Variants in SLAMF1 observed in about 807,000 individuals in gnomAD.
SLAMF1 encodes signaling lymphocytic activation molecule.
A neutral mutation model predicts 35.1 loss-of-function variants in SLAMF1; 18 were observed. The ratio of observed to expected loss-of-function variants is 0.51; its 90% CI spans 0.35 to 0.76. The LOEUF (loss-of-function observed/expected upper bound fraction) is 0.76. Ranked by LOEUF, SLAMF1 falls within the 30% of genes least tolerant of loss-of-function variation. The probability of loss-of-function intolerance (pLI) is 0.01; values close to 1 mark genes in which losing one functional copy is unlikely to be tolerated. For synonymous variants in SLAMF1, 168 were observed against 157.2 expected (o/e 1.07, Z -0.51); for missense variants, 392 against 413.0 (o/e 0.95, Z 0.44).
chr1:160,644,274 A>G (rs1391117327), intron 1 of SLAMF1, among the ~76,000 whole-genome samples: 2 of 152,188 alleles, frequency 1.3e-5, no homozygotes, highest in African/African-American at 4.8e-5. Flanking sequence ...TCCCAAACAT[A>G]GGCTTGTCCA....
intron 2 of SLAMF1, 44 bp from the exon 3 acceptor site, chr1:160,634,941 C>T: frequency 6.5e-7 from 1 of 1,538,052 alleles, no homozygotes; most frequent in East Asian, 2.3e-5. Flanking sequence ...AAGTGAACCC[C>T]TGGGAATTCT....
In SLAMF1 at chr1:160,634,797, C is replaced by T. The variant is rs1290797473; in HGVS notation, c.516G>A (p.Val172=). 1 of 1,614,000 alleles carries T rather than the reference C, an allele frequency of 6.2e-7. No homozygotes were observed. Among genetic ancestry groups the T allele is most frequent in the African/African-American group, 1.3e-5 (1 of 74,880 alleles). Residue 172 remains valine, a synonymous_variant, in exon 3 of 7, where the codon GTG becomes GTA. Transcript: ENST00000302035. ...CCGCCTTTTCACTCCAGCTGTAAGC[C>T]ACATGGTCCCCCTTCTCCACTGTGC... The part of the protein sequence containing the change: ...LGCTVEKGDH[V]AYSWSEKAGT...
intron 3 of SLAMF1, among the ~76,000 whole-genome samples, chr1:160,628,313 G>A (rs79818942): frequency 0.012 from 1,866 of 152,284 alleles, 26 homozygotes; most frequent in Non-Finnish European, 0.018. Flanking sequence ...CACCTAGCAG[G>A]TTCAGACTCT....
rs1455020139 is a variant in SLAMF1, at chr1:160,610,586, T to G, written c.*162A>C. The stretch of plus-strand genomic sequence containing the variant: ...TGGGAAGCCTCACTTCCTTGTTCAT[T>G]TCACAGATGTATGTGGAAGAAACAT... On this transcript the variant is annotated 3_prime_UTR_variant, in exon 7 of 7. Coordinates refer to ENST00000302035, the MANE Select transcript of SLAMF1 (RefSeq NM_003037.5). 5 of 636,218 alleles carry G rather than the reference T, an allele frequency of 7.9e-6. No homozygotes were observed. In the East Asian group the frequency reaches 1.3e-4, roughly 17 times the overall value. 39.4% of individuals were successfully genotyped at this position (636,218 alleles called of 1,614,324 possible). A position where few individuals can be genotyped will look rare whatever the true frequency, so the allele number is the denominator to read the frequency against.
chr1:160,634,567 C>A (rs756598721), intron 3 of SLAMF1, 46 bp downstream of exon 3: 4 of 1,539,704 alleles, frequency 2.6e-6, no homozygotes, highest in African/African-American at 2.7e-5. Flanking sequence ...GAAGACTGAG[C>A]CCATGCTCAT....
At position 160,610,691 on chromosome 1, in the gene SLAMF1, G is replaced by T; in HGVS notation, c.*57C>A. The T allele has an allele frequency of 7.5e-7, 1 of 1,325,598 alleles. No homozygotes were observed. The highest frequency in any genetic ancestry group is 1.1e-6 in the Non-Finnish European group (1 of 917,230). The allele number at this position is 1,325,598 out of a possible 1,614,324, so 82.1% of individuals were successfully genotyped here. Reference sequence around the variant, plus strand: ...AACTTGGGGCCTGTGGCCAAGTTCAGTGTTCATTTTGGTTTTTCCATTTTC... The same window carrying T: ...AACTTGGGGCCTGTGGCCAAGTTCATTGTTCATTTTGGTTTTTCCATTTTC... On this transcript the variant is annotated 3_prime_UTR_variant, in exon 7 of 7. Coordinates refer to ENST00000302035, the MANE Select transcript of SLAMF1 (RefSeq NM_003037.5).
chr1:160,621,972 A>G (rs1659638413), intron 4 of SLAMF1, among the ~76,000 whole-genome samples: 1 of 152,054 alleles, frequency 6.6e-6, no homozygotes, highest in Admixed American at 6.6e-5. Flanking sequence ...AAAGTAAGAC[A>G]TGCCTGCCCA....
At chr1:160,629,150 G>A (rs1450422475) in intron 3 of SLAMF1, among the ~76,000 whole-genome samples, 1 of 152,176 alleles carries the variant, frequency 6.6e-6, no homozygotes, top group Non-Finnish European at 1.5e-5. Flanking sequence ...TTTGGGAAGA[G>A]TGCTTTGCTC....
chr1:160,630,638 C>T (rs1236495099), intron 3 of SLAMF1, among the ~76,000 whole-genome samples: 3 of 152,092 alleles, frequency 2.0e-5, no homozygotes, highest in South Asian at 2.1e-4. Flanking sequence ...TGCTTTGGCT[C>T]GGGTCCCATC....
In SLAMF1 at chr1:160,608,575, C is replaced by A. The variant is rs1410756340; in HGVS notation, c.*2173G>T. 1 of 152,266 alleles carries A rather than the reference C, an allele frequency of 6.6e-6. No homozygotes were observed. The highest frequency in any genetic ancestry group is 2.4e-5 in the African/African-American group (1 of 41,428). 9.4% of individuals were successfully genotyped at this position (152,266 alleles called of 1,614,324 possible). On this transcript the variant is annotated 3_prime_UTR_variant, in exon 7 of 7. Coordinates refer to ENST00000302035, the MANE Select transcript of SLAMF1 (RefSeq NM_003037.5). ...TGGTGGGTGGCCCAAAAGACTCCCT[C>A]CCCAGTGAGGTCTTGAGCCCAGGGG... is the stretch of plus-strand genomic sequence containing the variant.
chr1:160,619,752 T>C, intron 5 of SLAMF1, 24 bp downstream of exon 5: 1 of 1,485,098 alleles, frequency 6.7e-7, no homozygotes, highest in African/African-American at 1.4e-5. Flanking sequence ...GACAGGTTCA[T>C]CTCAAACAAA....
chr1:160,618,368 G>A (rs1289728094), intron 5 of SLAMF1, among the ~76,000 whole-genome samples: 2 of 151,910 alleles, frequency 1.3e-5, no homozygotes. Flanking sequence ...CCTTACTGAG[G>A]AGTGGGTATG....
At position 160,642,266 on chromosome 1, in the gene SLAMF1, A is replaced by G. The variant is rs1460045850; in HGVS notation, c.76+4604T>C. Among the ~76,000 whole-genome samples the G allele has an allele frequency of 6.6e-6, 1 of 152,206 alleles. No individual in the cohort carries two copies. The highest frequency in any genetic ancestry group is 6.5e-5 in the Admixed American group (1 of 15,278). On this transcript the variant is annotated intron_variant, in intron 1 of 6. Transcript: ENST00000302035. The surrounding 1 kb of genome is among the most constrained non-coding windows in gnomAD (Gnocchi z 4.2). ...CTGGGTCTTTCTATCTTAGACTATTAGTATGTACGTTCCCTAGCCTTAGAG... is the reference window on the plus strand; with the variant it reads ...CTGGGTCTTTCTATCTTAGACTATTGGTATGTACGTTCCCTAGCCTTAGAG...
At chr1:160,620,633 A>G (rs1558005268) in intron 4 of SLAMF1, among the ~76,000 whole-genome samples, 3 of 152,210 alleles carry the variant, frequency 2.0e-5, no homozygotes, top group African/African-American at 7.2e-5. Context: ...TCTTCCATTA[A>G]CCAACCCAAT....
At chr1:160,640,359 T>TATACAC (rs1361053277) in intron 1 of SLAMF1, among the ~76,000 whole-genome samples, 28 of 122,454 alleles carry the variant, frequency 2.3e-4, no homozygotes, top group East Asian at 5.2e-4. Context: ...TATATATATA[T>TATACAC]ACACACACAC....
chr1:160,612,628 T>C, intron 5 of SLAMF1, 48 bp from the exon 6 acceptor site: 1 of 1,144,274 alleles, frequency 8.7e-7, no homozygotes, highest in Non-Finnish European at 1.3e-6. Context: ...AGAGAGCTAG[T>C]TCTCACCCAA....
intron 3 of SLAMF1, among the ~76,000 whole-genome samples, chr1:160,632,619 G>A (rs1660220220): frequency 6.6e-6 from 1 of 152,178 alleles, no homozygotes; most frequent in African/African-American, 2.4e-5. Context: ...TGAGGAGCAT[G>A]AAGAAAGTTC....
intron 1 of SLAMF1, among the ~76,000 whole-genome samples, chr1:160,641,936 C>A (rs916237119): frequency 6.6e-6 from 1 of 152,140 alleles, no homozygotes; most frequent in Non-Finnish European, 1.5e-5. Flanking sequence ...TTCACATGGG[C>A]CTATGGAGTT....
chr1:160,612,608 A>C lies in SLAMF1; in HGVS notation c.865-28T>G, dbSNP rs1167126104. 2.2e-6 allele frequency: 3 copies of C among 1,373,426 alleles called. No individual in the cohort carries two copies. In the African/African-American group the frequency reaches 4.3e-5, roughly 20 times the overall value. The allele number at this position is 1,373,426 out of a possible 1,614,324, so 85.1% of individuals were successfully genotyped here. On this transcript the variant is annotated intron_variant, in intron 5 of 6. Coordinates refer to ENST00000302035, the MANE Select transcript of SLAMF1 (RefSeq NM_003037.5). ...ACAAGAGAAGCAAAGAAAGCAGATT[A>C]GCTGAACAGAGAGAGCTAGTTCTCA...
Sources: gnomAD v4.1 joint callset for allele counts (sites outside exome capture counted in the v4.1 genomes callset) on GRCh38, gnomAD v4.1.1 for gene constraint, Gnocchi (gnomAD v3.1) non-coding constraint, MANE v1.5 for transcripts, NCBI Gene and HGNC (gene_info 2026-07-23, HGNC 2026-07-21) for gene names.